TCF12: variants seen among roughly 807,000 people sequenced by gnomAD.
TCF12 encodes DNA-binding protein HTF4.
TCF12 carries 45 observed loss-of-function variants against 86.0 expected under a neutral mutation model. The ratio of observed to expected loss-of-function variants is 0.52; its 90% confidence interval spans 0.41 to 0.67. TCF12 has a LOEUF of 0.67. Ranked by LOEUF, TCF12 falls within the 30% of genes least tolerant of loss-of-function variation. The pLI is 0.00. For synonymous variants in TCF12, 330 were observed against 299.6 expected (o/e 1.10, Z -1.05); for missense variants, 881 against 859.9 (o/e 1.02, Z -0.31).
At chr15:56,947,150 A>T (rs2061039698) in intron 3 of TCF12, among the ~76,000 whole-genome samples, 1 of 152,152 alleles carries the variant, frequency 6.6e-6, no homozygotes, top group Non-Finnish European at 1.5e-5. Flanking sequence ...AAGCATTCTG[A>T]GGTCTTTACT....
intron 5 of TCF12, among the ~76,000 whole-genome samples, chr15:57,117,732 C>T (rs1340626695): frequency 3.3e-5 from 5 of 152,010 alleles, no homozygotes; most frequent in Non-Finnish European, 7.4e-5. Context: ...ATAACATTTC[C>T]CCCAACTTTG....
At chr15:57,002,425 A>G (rs921524291) in intron 3 of TCF12, among the ~76,000 whole-genome samples, 2 of 152,180 alleles carry the variant, frequency 1.3e-5, no homozygotes, top group Admixed American at 1.3e-4. Flanking sequence ...TTTACTATAT[A>G]AAGTCTATTA....
chr15:56,955,982 A>G (rs1255509362), intron 3 of TCF12, among the ~76,000 whole-genome samples: 1 of 152,142 alleles, frequency 6.6e-6, no homozygotes, highest in African/African-American at 2.4e-5. Context: ...TATCATTATA[A>G]AATGACCCCT....
At chr15:57,227,605 G>A (rs570036715) in intron 8 of TCF12, among the ~76,000 whole-genome samples, 27 of 152,200 alleles carry the variant, frequency 1.8e-4, no homozygotes, top group African/African-American at 6.3e-4. Context: ...ATGTGATTGC[G>A]TTGTTTTCAA....
chr15:57,077,747 A>T (rs189778316), intron 4 of TCF12, among the ~76,000 whole-genome samples: 1,189 of 117,302 alleles, frequency 0.01, 17 homozygotes, highest in African/African-American at 0.029. Context: ...GTAGTTTTTT[A>T]AAAAAAAAAA....
At chr15:57,290,276 G>A (rs1359852939), downstream of TCF12, among the ~76,000 whole-genome samples, 2 of 150,258 alleles carry the variant, frequency 1.3e-5, no homozygotes, top group Admixed American at 1.3e-4. Context: ...CCGGGAGGTG[G>A]AGGTTTCAGT....
chr15:56,951,039 A>C (rs1230399384), intron 3 of TCF12, among the ~76,000 whole-genome samples: 1 of 152,018 alleles, frequency 6.6e-6, no homozygotes, highest in African/African-American at 2.4e-5. Context: ...TACAGATACG[A>C]GCCACTGCGC....
At chr15:57,093,484 C>T (rs955638451) in intron 5 of TCF12, among the ~76,000 whole-genome samples, 1 of 152,136 alleles carries the variant, frequency 6.6e-6, no homozygotes, top group Non-Finnish European at 1.5e-5. Context: ...TTATTCTTCA[C>T]TCATAGAGAT....
At chr15:57,087,078 T>G (rs2048691964) in intron 4 of TCF12, among the ~76,000 whole-genome samples, 1 of 143,164 alleles carries the variant, frequency 7.0e-6, no homozygotes. Context: ...TCTCTCTCCC[T>G]CTGTCTCCCT....
chr15:57,238,206 A>G (rs562958118), intron 12 of TCF12, among the ~76,000 whole-genome samples: 1 of 148,326 alleles, frequency 6.7e-6, no homozygotes, highest in Admixed American at 6.7e-5. Context: ...TTAGACAGTG[A>G]TTTTTTTTTT....
chr15:57,251,098 C>T (rs1174576899), intron 13 of TCF12: 1 of 374,862 alleles, frequency 2.7e-6, no homozygotes, highest in Non-Finnish European at 4.8e-6. Flanking sequence ...AAAGAATGTG[C>T]AAACATAAAG....
At chr15:57,122,441 TA>T (rs764030090) in intron 5 of TCF12, among the ~76,000 whole-genome samples, 2 of 152,218 alleles carry the variant, frequency 1.3e-5, no homozygotes, top group Non-Finnish European at 2.9e-5. Flanking sequence ...CCAGGCATTG[TA>T]AGAAGTGTTT....
chr15:56,938,678 A>G (rs1318051455), intron 3 of TCF12, among the ~76,000 whole-genome samples: 7 of 132,916 alleles, frequency 5.3e-5, no homozygotes, highest in Non-Finnish European at 8.1e-5. Context: ...TTTTTTTATT[A>G]CCATTTCAGT....
intron 3 of TCF12, among the ~76,000 whole-genome samples, chr15:56,942,416 G>A (rs2060820060): frequency 6.6e-6 from 1 of 152,182 alleles, no homozygotes; most frequent in Non-Finnish European, 1.5e-5. Flanking sequence ...AGTACCTGAT[G>A]TTTAGAACTT....
At chr15:56,984,007 A>AAAAAAAAAAAAAAAAG (rs2063028411) in intron 3 of TCF12, among the ~76,000 whole-genome samples, 1 of 142,880 alleles carries the variant, frequency 7.0e-6, no homozygotes, top group Non-Finnish European at 1.5e-5. Context: ...GTCTCAAAAA[A>AAAAAAAAAAAAAAAAG]AAAAAAAAAG....
chr15:57,018,748 TGATAATTTGAAAGGGCTCATATTCCTCA>T (rs1820551569), intron 3 of TCF12, among the ~76,000 whole-genome samples: 1 of 152,152 alleles, frequency 6.6e-6, no homozygotes, highest in Non-Finnish European at 1.5e-5. Flanking sequence ...AGCCGGGGCC[TGATAATTTGAAAGGGCTCATATTCCTCA>T]GATAAAAGTT....
chr15:56,918,823 G>A lies in TCF12; in HGVS notation c.-106G>A, dbSNP rs1159084659. On this transcript the variant is annotated 5_prime_UTR_variant, in exon 1 of 21. Coordinates refer to ENST00000333725, the MANE Select transcript of TCF12 (RefSeq NM_207037.2). ...GGGGCAAAGTGAACCGAGCCGCTGG[G>A]CGGTGCAAGGGGAAGCCCAAGCCCG... The A allele has an allele frequency of 6.4e-6, 1 of 157,378 alleles. No individual in the cohort carries two copies. Among genetic ancestry groups the A allele is most frequent in the Non-Finnish European group, 1.4e-5 (1 of 71,110 alleles). 9.7% of individuals were successfully genotyped at this position (157,378 alleles called of 1,614,324 possible).
chr15:56,951,721 C>G (rs1397682105), intron 3 of TCF12, among the ~76,000 whole-genome samples: 1 of 152,158 alleles, frequency 6.6e-6, no homozygotes, highest in Non-Finnish European at 1.5e-5. Flanking sequence ...ATGATCATGT[C>G]TCACTGCAGC....
chr15:57,266,086 A>ATTATTTATTTATTTAT (rs60211131), intron 18 of TCF12, among the ~76,000 whole-genome samples: 1 of 110,190 alleles, frequency 9.1e-6, no homozygotes. Flanking sequence ...TTTTGTTTTT[A>ATTATTTATTTATTTAT]TTATTTATTT....
Sources: gnomAD v4.1 joint callset for allele counts (sites outside exome capture counted in the v4.1 genomes callset) on GRCh38, gnomAD v4.1.1 for gene constraint, MANE v1.5 for transcripts, NCBI Gene and HGNC (gene_info 2026-07-23, HGNC 2026-07-21) for gene names.